The following RHPN1 variants were observed in gnomAD, a reference collection of about 807,000 sequenced individuals.
The protein encoded by RHPN1 is rhophilin Rho GTPase binding protein 1.
In RHPN1, 77 loss-of-function variants were observed where a neutral mutation model predicts 74.7. The ratio of observed to expected loss-of-function variants is 1.03; its 90% CI spans 0.86 to 1.25. The LOEUF (loss-of-function observed/expected upper bound fraction) is 1.25, where lower values mean the gene tolerates loss of function less well. Among genes scored for constraint, RHPN1 ranks in the 50% most tolerant of loss-of-function variants. RHPN1 has a pLI of 0.00. For missense variants in RHPN1, 987 were observed against 932.2 expected (o/e 1.06, Z -0.77); for synonymous variants, 444 against 414.5 (o/e 1.07, Z -0.87).
rs367971977 is a variant in RHPN1, at chr8:143,376,530, C to T, written c.182C>T (p.Thr61Ile). The change falls in exon 3 of 15, where the codon ACC becomes ATC. Residue 61 changes from threonine (T) to isoleucine (I), a missense_variant. Physicochemically the swap from Thr to Ile is moderately conservative, Grantham distance 89. Transcript: ENST00000289013. ...RTGAENLYRATSNNRVRETVA... is the reference protein window; with the variant it reads ...RTGAENLYRAISNNRVRETVA... ...ACTGCCGCGGCCTCCCTCAGAGCCA[C>T]CAGCAACAACCGGGTGAGAGAGACG... 1 of 1,612,214 alleles carries T rather than the reference C, an allele frequency of 6.2e-7. No homozygotes were observed. Among genetic ancestry groups the T allele is most frequent in the African/African-American group, 1.3e-5 (1 of 74,920 alleles).
intron 2 of RHPN1, 67 bp from the exon 3 acceptor site, chr8:143,376,458 T>C: frequency 6.3e-7 from 1 of 1,587,226 alleles, no homozygotes; most frequent in Non-Finnish European, 8.6e-7. Flanking sequence ...GCAGGACGGC[T>C]GCAGTGGGCA....
chr8:143,375,766 A>T, intron 2 of RHPN1, 98 bp downstream of exon 2: 1 of 871,324 alleles, frequency 1.1e-6, no homozygotes, highest in South Asian at 1.6e-5. Context: ...TGGCCGGGTC[A>T]CAGAGACAGG....
chr8:143,379,859 A>C lies in RHPN1; in HGVS notation c.976A>C (p.Thr326Pro). The C allele has an allele frequency of 6.2e-7, 1 of 1,610,776 alleles. No individual in the cohort carries two copies. The highest frequency in any genetic ancestry group is 8.5e-7 in the Non-Finnish European group (1 of 1,179,158). ...AGCCGAGTACAGGCTAGTGCACCGGACCATGGCCCAGCCACCCGTCCACGA... is the reference window on the plus strand; with the variant it reads ...AGCCGAGTACAGGCTAGTGCACCGGCCCATGGCCCAGCCACCCGTCCACGA... ...VAAEYRLVHRTMAQPPVHDYV... is the reference protein window; with the variant it reads ...VAAEYRLVHRPMAQPPVHDYV... The change falls in exon 9 of 15, where the codon ACC (threonine) becomes CCC (proline). Residue 326 changes from threonine (T) to proline (P), a missense_variant. Transcript: ENST00000289013.
In RHPN1 at chr8:143,383,414, GCCC is replaced by G. The variant is rs1818869488; in HGVS notation, c.*766_*768del. The G allele has an allele frequency of 6.6e-6, 1 of 152,324 alleles. No individual in the cohort carries two copies. Among genetic ancestry groups the G allele is most frequent in the Non-Finnish European group, 1.5e-5 (1 of 68,152 alleles). 9.4% of individuals were successfully genotyped at this position (152,324 alleles called of 1,614,324 possible). A position where few individuals can be genotyped will look rare whatever the true frequency, so the allele number is the denominator to read the frequency against. On this transcript the variant is annotated 3_prime_UTR_variant, in exon 15 of 15. Transcript: ENST00000289013. The stretch of plus-strand genomic sequence containing the variant: ...CTCTCTGAGCCTGGGGCCTGCATGG[GCCC>G]CCAGCCCTCCCCAGCCTGCTTGGGC...
rs748507760 is a variant in RHPN1 at position 143,382,518 on chromosome 8, C to T, written c.1880C>T (p.Thr627Met). 43 of 1,609,976 alleles carry T rather than the reference C, an allele frequency of 2.7e-5. 1 individual carries two copies. Among genetic ancestry groups the T allele is most frequent in the Admixed American group, 2.3e-4 (14 of 59,714 alleles). ...REHGCKTPAS[T>M]WASPRPLLNW... ...CATGGTTGCAAGACCCCGGCATCCACGTGGGCCAGTCCCCGGCCCCTCCTC... is the reference window on the plus strand; with the variant it reads ...CATGGTTGCAAGACCCCGGCATCCATGTGGGCCAGTCCCCGGCCCCTCCTC... Residue 627 changes from threonine (T) to methionine (M), a missense_variant, in exon 15 of 15, where the codon ACG (threonine) becomes ATG (methionine). Physicochemically the swap from Thr to Met is moderately conservative, Grantham distance 81. Transcript: ENST00000289013.
Position 143,380,657 on chromosome 8 carries a change from G to A in RHPN1, c.1285G>A (p.Val429Ile), listed in dbSNP as rs752531107. Residue 429 changes from valine (V) to isoleucine (I), a missense_variant, in exon 11 of 15, where the codon GTC (valine) becomes ATC (isoleucine). Coordinates refer to ENST00000289013, the MANE Select transcript of RHPN1 (RefSeq NM_052924.3). ...EALRLHALCR[V>I]LREVDLLRAV... ...GCTGCGGCTGCACGCCCTGTGCCGC[G>A]TCCTGCGCGAGGTGGACCTGCTTCG... The A allele has an allele frequency of 6.4e-6, 10 of 1,569,292 alleles. No individual in the cohort carries two copies. Among genetic ancestry groups the A allele is most frequent in the Admixed American group, 3.7e-5 (2 of 53,890 alleles).
In RHPN1 at chr8:143,378,313, G is replaced by A; in HGVS notation, c.426G>A (p.Glu142=). ...VHFGEDGASY[E]AEIRELEALR... Reference sequence around the variant, plus strand: ...TTGGAGAGGACGGCGCCTCCTACGAGGCAGAAATCAGGGAGCTGGAGGCCC... The same window carrying A: ...TTGGAGAGGACGGCGCCTCCTACGAAGCAGAAATCAGGGAGCTGGAGGCCC... Residue 142 remains glutamate (E), a synonymous_variant, in exon 5 of 15, where the codon GAG becomes GAA. Coordinates refer to ENST00000289013, the MANE Select transcript of RHPN1 (RefSeq NM_052924.3). 6.4e-7 allele frequency: 1 copy of A among 1,568,334 alleles called. No homozygotes were observed. The highest frequency in any genetic ancestry group is 8.6e-7 in the Non-Finnish European group (1 of 1,157,294).
chr8:143,371,176 T>G (rs1817797446), intron 1 of RHPN1, among the ~76,000 whole-genome samples: 1 of 152,146 alleles, frequency 6.6e-6, no homozygotes, highest in Non-Finnish European at 1.5e-5. Context: ...TCCTCTGGCG[T>G]GCGTGCTGCT....
Position 143,382,524 on chromosome 8 carries a change from C to T in RHPN1, c.1886C>T (p.Ala629Val). ...TGCAAGACCCCGGCATCCACGTGGG[C>T]CAGTCCCCGGCCCCTCCTCAACTGG... ...HGCKTPASTW[A>V]SPRPLLNWSR... The change falls in exon 15 of 15, where the codon GCC becomes GTC. Residue 629 changes from alanine to valine, a missense_variant. Transcript: ENST00000289013. The T allele has an allele frequency of 6.2e-7, 1 of 1,610,438 alleles. No individual in the cohort carries two copies. The highest frequency in any genetic ancestry group is 8.5e-7 in the Non-Finnish European group (1 of 1,179,036).
In RHPN1 at chr8:143,381,290, G is replaced by C; in HGVS notation, c.1434G>C (p.Glu478Asp). The C allele has an allele frequency of 6.2e-7, 1 of 1,613,120 alleles. No individual in the cohort carries two copies. Among genetic ancestry groups the C allele is most frequent in the Non-Finnish European group, 8.5e-7 (1 of 1,179,698 alleles). The change falls in exon 12 of 15, where the codon GAG becomes GAC. Residue 478 changes from glutamate (E) to aspartate (D), a missense_variant. Physicochemically the swap from Glu to Asp is conservative, Grantham distance 45. Coordinates refer to ENST00000289013, the MANE Select transcript of RHPN1 (RefSeq NM_052924.3). ...CAGCTAAGACCCACCAGAAGCCAGA[G>C]GCCAGGATGCCACGCCTGTCCCAGG... is the stretch of plus-strand genomic sequence containing the variant. ...DIQPKTHQKPEARMPRLSQGK... is the reference protein window; with the variant it reads ...DIQPKTHQKPDARMPRLSQGK...
intron 1 of RHPN1, chr8:143,374,014 TG>T: frequency 1.8e-6 from 1 of 542,542 alleles, no homozygotes; most frequent in Non-Finnish European, 2.3e-6. Context: ...GCTGTGATTT[TG>T]GGGGGCTGGA....
chr8:143,368,636 C>A (rs561002659), upstream of RHPN1: 5 of 179,438 alleles, frequency 2.8e-5, no homozygotes, highest in African/African-American at 9.4e-5. Flanking sequence ...GCAGTACAAC[C>A]TGCCAGCCAG....
At chr8:143,370,270 G>A (rs954282147) in intron 1 of RHPN1, among the ~76,000 whole-genome samples, 46 of 152,218 alleles carry the variant, frequency 3.0e-4, no homozygotes, top group Non-Finnish European at 4.4e-5. Context: ...GCTGTTTCCA[G>A]GCTGCCGTGT....
chr8:143,380,244 C>A, intron 10 of RHPN1, 69 bp downstream of exon 10: 1 of 1,079,718 alleles, frequency 9.3e-7, no homozygotes, highest in Non-Finnish European at 1.3e-6. Flanking sequence ...TGTCCCCCAC[C>A]ACCCTCATGC....
At chr8:143,381,044 C>T (rs2130608266) in intron 11 of RHPN1, among the ~76,000 whole-genome samples, 1 of 152,352 alleles carries the variant, frequency 6.6e-6, no homozygotes, top group Non-Finnish European at 1.5e-5. Flanking sequence ...CCAGGACAGG[C>T]ATGGCTGGGA....
At chr8:143,372,096 C>T (rs1817863299) in intron 1 of RHPN1, among the ~76,000 whole-genome samples, 1 of 152,188 alleles carries the variant, frequency 6.6e-6, no homozygotes, top group South Asian at 2.1e-4. Flanking sequence ...AGGGGCCAGG[C>T]TCCCCGCAGC....
intron 8 of RHPN1, 66 bp from the exon 9 acceptor site, chr8:143,379,763 G>GT: frequency 6.5e-7 from 1 of 1,533,046 alleles, no homozygotes; most frequent in Non-Finnish European, 8.8e-7. Flanking sequence ...TGGAGGCTGG[G>GT]TAGGGAGAAG....
At position 143,379,386 on chromosome 8, in the gene RHPN1, G is replaced by A. The variant is rs771562036; in HGVS notation, c.823G>A (p.Ala275Thr). Residue 275 changes from alanine (A) to threonine (T), a missense_variant, in exon 8 of 15, where the codon GCA (alanine) becomes ACA (threonine). Physicochemically the swap from Ala to Thr is moderately conservative, Grantham distance 58. Transcript: ENST00000289013. Reference protein sequence around the residue: ...SPDMSAASLCALEQLMMAQAQ... With the variant: ...SPDMSAASLCTLEQLMMAQAQ... ...AGACATGAGCGCTGCGTCCCTCTGC[G>A]CACTGGAGCAGCTCATGATGGCCCA... 25 of 1,598,184 alleles carry A rather than the reference G, an allele frequency of 1.6e-5. No individual in the cohort carries two copies. Among genetic ancestry groups the A allele is most frequent in the Middle Eastern group, 1.7e-4 (1 of 6,044 alleles).
chr8:143,381,402 T>G, intron 12 of RHPN1, 58 bp downstream of exon 12: 1 of 1,528,156 alleles, frequency 6.5e-7, no homozygotes, highest in Non-Finnish European at 8.9e-7. Context: ...TGTGTGGCTC[T>G]GACCAGCACA....
Sources: allele counts gnomAD v4.1 joint callset (sites outside exome capture counted in the v4.1 genomes callset), GRCh38; gene constraint gnomAD v4.1.1; transcripts MANE v1.5; gene names NCBI Gene and HGNC (gene_info 2026-07-23, HGNC 2026-07-21).